GRXCR2: variants seen among roughly 807,000 people sequenced by gnomAD.
GRXCR2 encodes the protein glutaredoxin domain-containing cysteine-rich protein 2.
A neutral mutation model predicts 24.8 loss-of-function variants in GRXCR2; 23 were observed. The ratio of observed to expected loss-of-function variants is 0.93; its 90% CI spans 0.67 to 1.32. GRXCR2 has a LOEUF of 1.32. Ranked by LOEUF, GRXCR2 falls within the 40% of genes most tolerant of loss-of-function variation. The pLI is 0.00. For synonymous variants in GRXCR2, 130 were observed against 116.1 expected, an observed-to-expected ratio of 1.12 and a Z score of -0.77; for missense variants, 315 against 303.4, an observed-to-expected ratio of 1.04 and a Z score of -0.28.
chr5:145,919,370 C>A (rs141167696), intron 2 of GRXCR2, among the ~76,000 whole-genome samples: 10 of 152,282 alleles, frequency 6.6e-5, no homozygotes, highest in African/African-American at 2.4e-4. Flanking sequence ...ATCTAATTAA[C>A]CCTCACAAGA....
intron 2 of GRXCR2, among the ~76,000 whole-genome samples, chr5:145,895,923 C>T (rs1756941982): frequency 6.6e-6 from 1 of 152,076 alleles, no homozygotes; most frequent in Admixed American, 6.5e-5. Context: ...GGTACTGGTA[C>T]CAATACAGAG....
chr5:145,872,400 G>C (rs1229292618), intron 1 of GRXCR2, among the ~76,000 whole-genome samples: 2 of 152,144 alleles, frequency 1.3e-5, no homozygotes, highest in East Asian at 3.9e-4. Context: ...TATTACCTTG[G>C]ATGGAATTTG....
intron 2 of GRXCR2, among the ~76,000 whole-genome samples, chr5:145,926,251 G>C (rs1757393626): frequency 1.3e-5 from 2 of 152,026 alleles, no homozygotes; most frequent in African/African-American, 2.4e-5. Context: ...TTTTTTTAAT[G>C]GCTATCTTAT....
At position 145,859,035 on chromosome 5, in the gene GRXCR2, T is replaced by C. The variant is rs1347223456; in HGVS notation, c.*698A>G. 1 of 152,264 alleles carries C rather than the reference T, an allele frequency of 6.6e-6. No individual in the cohort carries two copies. The highest frequency in any genetic ancestry group is 1.5e-5 in the Non-Finnish European group (1 of 68,080). 9.4% of individuals were successfully genotyped at this position (152,264 alleles called of 1,614,324 possible). ...GCACCAAATTTATCATAAATAACTTTGACTTGGCTTATAACCTCAGTAGTT... is the reference window on the plus strand; with the variant it reads ...GCACCAAATTTATCATAAATAACTTCGACTTGGCTTATAACCTCAGTAGTT... On this transcript the variant is annotated 3_prime_UTR_variant, in exon 3 of 3. Coordinates refer to ENST00000377976, the MANE Select transcript of GRXCR2 (RefSeq NM_001080516.2).
upstream of GRXCR2, among the ~76,000 whole-genome samples, chr5:145,877,317 TA>T (rs550750034): frequency 4.2e-4 from 61 of 146,770 alleles, no homozygotes; most frequent in South Asian, 2.5e-3. Flanking sequence ...AAAGGTCGAT[TA>T]AAAAAAAAAT....
At chr5:145,858,105 G>A (rs1246720636), downstream of GRXCR2, among the ~76,000 whole-genome samples, 1 of 152,130 alleles carries the variant, frequency 6.6e-6, no homozygotes, top group African/African-American at 2.4e-5. Context: ...CCTGAGGTCA[G>A]GAGTTGGAGA....
chr5:145,881,787 A>G (rs1485885640), intron 2 of GRXCR2, among the ~76,000 whole-genome samples: 1 of 152,238 alleles, frequency 6.6e-6, no homozygotes, highest in Non-Finnish European at 1.5e-5. Flanking sequence ...AGGCTGCAGT[A>G]ACCAAAACAG....
At chr5:145,913,112 C>T (rs561012520) in intron 2 of GRXCR2, among the ~76,000 whole-genome samples, 1 of 152,300 alleles carries the variant, frequency 6.6e-6, no homozygotes, top group Admixed American at 6.5e-5. Context: ...GCCCCTCACC[C>T]AATTCCTGCC....
rs187627514 is a variant in GRXCR2, at chr5:145,894,293, G to A, written c.-69-27565C>T. ...AGAAATAACTAAGATCAGAGCAGAAGTGAAGGAAATAGAGACACAAAAACC... is the reference window on the plus strand; with the variant it reads ...AGAAATAACTAAGATCAGAGCAGAAATGAAGGAAATAGAGACACAAAAACC... On this transcript the variant is annotated intron_variant, in intron 2 of 3. Coordinates refer to the GRXCR2 transcript ENST00000639411. Among the ~76,000 whole-genome samples the A allele has an allele frequency of 6.1e-3, 934 of 152,090 alleles. 9 individuals carry two copies. Among genetic ancestry groups the A allele is most frequent in the African/African-American group, 0.021 (883 of 41,464 alleles).
intron 2 of GRXCR2, among the ~76,000 whole-genome samples, chr5:145,886,492 T>C (rs1756781876): frequency 6.6e-6 from 1 of 152,140 alleles, no homozygotes. Context: ...CATTAAAAAA[T>C]AATCATCACT....
At chr5:145,894,217 A>C (rs1428500748) in intron 2 of GRXCR2, among the ~76,000 whole-genome samples, 1 of 152,212 alleles carries the variant, frequency 6.6e-6, no homozygotes, top group Non-Finnish European at 1.5e-5. Context: ...CATCACAATT[A>C]AAAGAACTAG....
chr5:145,894,347 G>T (rs1384902845), intron 2 of GRXCR2, among the ~76,000 whole-genome samples: 2 of 152,116 alleles, frequency 1.3e-5, no homozygotes, highest in Non-Finnish European at 2.9e-5. Context: ...TCCAGGAGCT[G>T]GTTTTTTGAA....
intron 2 of GRXCR2, among the ~76,000 whole-genome samples, chr5:145,860,436 A>G (rs931029711): frequency 6.6e-6 from 1 of 152,150 alleles, no homozygotes; most frequent in Non-Finnish European, 1.5e-5. Context: ...ACACAGCTTG[A>G]AAAAGGAAGA....
intron 2 of GRXCR2, among the ~76,000 whole-genome samples, chr5:145,883,539 T>C (rs1214138664): frequency 6.6e-6 from 1 of 152,186 alleles, no homozygotes; most frequent in Non-Finnish European, 1.5e-5. Context: ...GCCAAACTCA[T>C]AGAGGAACTG....
rs371128855 is a variant in GRXCR2 at position 145,930,452 on chromosome 5, A to G, written c.-70+5249T>C. 7.2e-5 allele frequency among the ~76,000 whole-genome samples: 11 copies of G among 152,328 alleles called. No individual in the cohort carries two copies. In the South Asian group the frequency reaches 1.7e-3, roughly 23 times the overall value. On this transcript the variant is annotated intron_variant, in intron 2 of 3. Transcript: ENST00000639411. ...AATAGCATTTAACTGGGATTCAGTG[A>G]TATTTTATTATTTTATTCAAATGTG... is the stretch of plus-strand genomic sequence containing the variant.
chr5:145,857,878 T>C (rs1756264543), downstream of GRXCR2, among the ~76,000 whole-genome samples: 1 of 152,168 alleles, frequency 6.6e-6, no homozygotes, highest in Non-Finnish European at 1.5e-5. Flanking sequence ...TTTATGTATC[T>C]ATCTCCTCCT....
intron 2 of GRXCR2, among the ~76,000 whole-genome samples, chr5:145,896,273 T>C (rs545890633): frequency 5.3e-5 from 8 of 152,150 alleles, no homozygotes; most frequent in Admixed American, 2.0e-4. Context: ...AAAGCCAAAA[T>C]TGACAAACGG....
intron 2 of GRXCR2, among the ~76,000 whole-genome samples, chr5:145,885,085 A>ATG (rs1316523646): frequency 1.5e-5 from 2 of 134,490 alleles, no homozygotes; most frequent in South Asian, 2.8e-4. Flanking sequence ...ATCATGCAGC[A>ATG]TGTGTGTGTG....
intron 2 of GRXCR2, among the ~76,000 whole-genome samples, chr5:145,919,624 G>T (rs1415208408): frequency 6.6e-6 from 1 of 152,120 alleles, no homozygotes; most frequent in Non-Finnish European, 1.5e-5. Context: ...GGGTAGGAGG[G>T]AGGAGGAGAA....
Sources: gnomAD v4.1 joint callset for allele counts (sites outside exome capture counted in the v4.1 genomes callset) on GRCh38, gnomAD v4.1.1 for gene constraint, MANE v1.5 for transcripts, NCBI Gene and HGNC (gene_info 2026-07-23, HGNC 2026-07-21) for gene names.